RBFOX1: variants seen among roughly 807,000 people sequenced by gnomAD.
RBFOX1 encodes RNA binding fox-1 homolog 1, also known as RNA binding protein fox-1 homolog 1.
Under a neutral mutation model 57.7 loss-of-function variants are expected in RBFOX1, and 8 were observed. That is an observed-to-expected ratio of 0.14 (90% CI 0.08 to 0.25). The LOEUF (loss-of-function observed/expected upper bound fraction) is 0.25. RBFOX1 is among the 10% of genes least tolerant of loss of function. The pLI is 1.00. For synonymous variants in RBFOX1, 326 were observed against 222.4 expected (o/e 1.47, Z -4.15); for missense variants, 611 against 548.5 (o/e 1.11, Z -1.14).
At chr16:7,139,184 GTGTGTGTGTGTGTA>G (rs1280037538) in intron 4 of RBFOX1, among the ~76,000 whole-genome samples, 3 of 99,324 alleles carry the variant, frequency 3.0e-5, no homozygotes, top group Non-Finnish European at 4.6e-5. Context: ...CTCTGTGTGT[GTGTGTGTGTGTGTA>G]TGTGTGTGTG....
rs1267164581 is a variant in RBFOX1, at chr16:5,278,425, C to G, written c.219+38320C>G. On this transcript the variant is annotated intron_variant, in intron 1 of 2. Coordinates refer to the RBFOX1 transcript ENST00000585867. Reference sequence around the variant, plus strand: ...GCGTTTGGCATCTTCAGCATGAACTCTTTGCCCATCACTATGTACCGGCTG... The same window carrying G: ...GCGTTTGGCATCTTCAGCATGAACTGTTTGCCCATCACTATGTACCGGCTG... Among the ~76,000 whole-genome samples, 4 of 152,196 alleles carry G rather than the reference C, an allele frequency of 2.6e-5. No individual in the cohort carries two copies. In the East Asian group the frequency reaches 7.7e-4, roughly 29 times the overall value.
chr16:7,243,137 T>C (rs2094144351), intron 4 of RBFOX1, among the ~76,000 whole-genome samples: 1 of 152,196 alleles, frequency 6.6e-6, no homozygotes. Context: ...ATGTTTTCAT[T>C]AAAATTGTAA....
At chr16:7,412,577 C>G (rs1260980796) in intron 4 of RBFOX1, among the ~76,000 whole-genome samples, 1 of 152,096 alleles carries the variant, frequency 6.6e-6, no homozygotes, top group East Asian at 1.9e-4. Context: ...ATGGACTAAT[C>G]AAATACTTTC....
intron 2 of RBFOX1, among the ~76,000 whole-genome samples, chr16:6,399,557 A>G (rs1339226062): frequency 1.3e-5 from 2 of 151,960 alleles, no homozygotes; most frequent in Non-Finnish European, 2.9e-5. Flanking sequence ...TCAGCATTCA[A>G]CAAGTCTCTA....
intron 4 of RBFOX1, among the ~76,000 whole-genome samples, chr16:7,064,666 G>A (rs1479606463): frequency 1.3e-5 from 2 of 152,108 alleles, no homozygotes; most frequent in African/African-American, 4.8e-5. Flanking sequence ...GATTTCCCTG[G>A]TCCACGGTAC....
At chr16:5,457,008 C>T (rs1478309543) in intron 1 of RBFOX1, among the ~76,000 whole-genome samples, 2 of 152,178 alleles carry the variant, frequency 1.3e-5, no homozygotes, top group African/African-American at 4.8e-5. Context: ...TCACACAGTT[C>T]TAAAGGCTGG....
At chr16:7,017,968 C>A (rs544184751) in intron 3 of RBFOX1, among the ~76,000 whole-genome samples, 1 of 152,298 alleles carries the variant, frequency 6.6e-6, no homozygotes, top group South Asian at 2.1e-4. Context: ...TGCCCCCTTT[C>A]TCTACGGGCA....
rs1598130305 is a variant in RBFOX1, at chr16:7,688,281, G to GGC, written c.995+11443_995+11444insGC. Among the ~76,000 whole-genome samples the GGC allele has an allele frequency of 5.1e-5, 7 of 138,574 alleles. No homozygotes were observed. The East Asian group carries it at 2.3e-3, about 46-fold the overall frequency. The allele number at this position is 138,574 out of a possible 152,430, so 90.9% of individuals were successfully genotyped here. A position where few individuals can be genotyped will look rare whatever the true frequency, so the allele number is the denominator to read the frequency against. On this transcript the variant is annotated intron_variant, in intron 14 of 15. Transcript: ENST00000550418. Reference sequence around the variant, plus strand: ...TGTGTGAGAGAGAGAGAGAGAGAGAGAGATTCAATATTCATAGCATTGGAT... The same window carrying GGC: ...TGTGTGAGAGAGAGAGAGAGAGAGAGGCAGATTCAATATTCATAGCATTGGAT...
In RBFOX1 at chr16:7,454,480, G is replaced by T. The variant is rs559673273; in HGVS notation, c.28-63667G>T. 1.1e-4 allele frequency among the ~76,000 whole-genome samples: 17 copies of T among 152,236 alleles called. 1 individual carries two copies. In the South Asian group the frequency reaches 3.5e-3, roughly 32 times the overall value. ...GTTTTCCATCATATGTGTGTTATAG[G>T]CTATTATAGATATGATCAAGTTGAG... On this transcript the variant is annotated intron_variant, in intron 4 of 15. Coordinates refer to ENST00000550418, the MANE Select transcript of RBFOX1 (RefSeq NM_018723.4).
intron 3 of RBFOX1, among the ~76,000 whole-genome samples, chr16:6,725,914 C>T (rs753790303): frequency 2.0e-5 from 3 of 151,974 alleles, no homozygotes; most frequent in East Asian, 1.9e-4. Context: ...TGATATTGTC[C>T]CCTGTATCTG....
rs139069709 is a variant in RBFOX1, at chr16:7,627,187, CAAAAA to C, written c.677-3405_677-3401del. On this transcript the variant is annotated intron_variant, in intron 10 of 15. Coordinates refer to ENST00000550418, the MANE Select transcript of RBFOX1 (RefSeq NM_018723.4). ...CTTGGCAACATTCAATTCTATTTGACAAAAAAAAAAAAAAAGTCAATTTGAAATGG... is the reference window on the plus strand; with the variant it reads ...CTTGGCAACATTCAATTCTATTTGACAAAAAAAAAAGTCAATTTGAAATGG... Among the ~76,000 whole-genome samples, 4 of 82,758 alleles carry C rather than the reference CAAAAA, an allele frequency of 4.8e-5. No homozygotes were observed. The Admixed American group carries it at 5.4e-4, about 11-fold the overall frequency. 54.3% of individuals were successfully genotyped at this position (82,758 alleles called of 152,430 possible).
At chr16:5,833,616 A>C (rs946334634) in intron 3 of RBFOX1, among the ~76,000 whole-genome samples, 2 of 152,038 alleles carry the variant, frequency 1.3e-5, no homozygotes, top group Admixed American at 1.3e-4. Context: ...CAATTAAGAC[A>C]CTTTTAGAGG....
At chr16:6,257,872 C>T (rs556441902) in intron 1 of RBFOX1, among the ~76,000 whole-genome samples, 11 of 152,124 alleles carry the variant, frequency 7.2e-5, no homozygotes, top group Non-Finnish European at 1.5e-4. Flanking sequence ...GTGAATAGTG[C>T]TGCAGTGAAC....
chr16:6,762,184 T>C (rs2076702095), intron 3 of RBFOX1, among the ~76,000 whole-genome samples: 1 of 151,530 alleles, frequency 6.6e-6, no homozygotes, highest in Non-Finnish European at 1.5e-5. Flanking sequence ...AAAAATTCCA[T>C]AGGGTTATAA....
chr16:5,350,585 G>A lies in RBFOX1; in HGVS notation c.219+110480G>A, dbSNP rs530541153. On this transcript the variant is annotated intron_variant, in intron 1 of 2. Coordinates refer to the RBFOX1 transcript ENST00000585867. ...TCCTCCTTTAAAATGCACACTGCACGCTGGGCACAGTGGCTTACACCTGTA... is the reference window on the plus strand; with the variant it reads ...TCCTCCTTTAAAATGCACACTGCACACTGGGCACAGTGGCTTACACCTGTA... Among the ~76,000 whole-genome samples, 32 of 152,298 alleles carry A rather than the reference G, an allele frequency of 2.1e-4. 1 individual carries two copies. The South Asian group carries it at 5.6e-3, about 27-fold the overall frequency.
chr16:5,665,188 C>T (rs1445488271), intron 3 of RBFOX1, among the ~76,000 whole-genome samples: 2 of 149,910 alleles, frequency 1.3e-5, no homozygotes, highest in Admixed American at 6.7e-5. Flanking sequence ...TGGGCTCAGG[C>T]GATCCTCCCA....
chr16:7,413,272 G>T (rs965660630), intron 4 of RBFOX1, among the ~76,000 whole-genome samples: 4 of 151,756 alleles, frequency 2.6e-5, no homozygotes, highest in African/African-American at 9.7e-5. Context: ...ACTGATTCTC[G>T]CCTGTAAACC....
At chr16:7,253,258 C>G (rs113743982) in intron 4 of RBFOX1, among the ~76,000 whole-genome samples, 1 of 152,176 alleles carries the variant, frequency 6.6e-6, no homozygotes, top group African/African-American at 2.4e-5. Flanking sequence ...TCCTGGGGGT[C>G]AAATCAACAA....
At chr16:6,680,772 G>T (rs1478490096) in intron 3 of RBFOX1, among the ~76,000 whole-genome samples, 1 of 152,192 alleles carries the variant, frequency 6.6e-6, no homozygotes, top group Non-Finnish European at 1.5e-5. Context: ...AAAGATGCTA[G>T]ATGGGCACCT....
Sources: gnomAD v4.1 joint callset for allele counts (sites outside exome capture counted in the v4.1 genomes callset) on GRCh38, gnomAD v4.1.1 for gene constraint, MANE v1.5 for transcripts, NCBI Gene and HGNC (gene_info 2026-07-23, HGNC 2026-07-21) for gene names.